CNTN5: variants seen among roughly 807,000 people sequenced by gnomAD.
The protein encoded by CNTN5 is contactin 5.
Under a neutral mutation model 129.1 loss-of-function variants are expected in CNTN5, and 77 were observed. The ratio of observed to expected loss-of-function variants is 0.60; its 90% CI spans 0.50 to 0.72. The LOEUF is 0.72. CNTN5 is among the 30% of genes least tolerant of loss of function. The pLI is 0.00. For missense variants in CNTN5, 1,478 were observed against 1,328.8 expected (o/e 1.11, Z -1.75); for synonymous variants, 509 against 465.6 (o/e 1.09, Z -1.20).
chr11:100,069,667 T>G (rs1420326883), intron 10 of CNTN5, among the ~76,000 whole-genome samples: 5 of 152,190 alleles, frequency 3.3e-5, no homozygotes, highest in Non-Finnish European at 1.5e-5. Flanking sequence ...ATATAAATAT[T>G]TTACAGTTTT....
rs77081243 is a variant in CNTN5, at chr11:99,911,457, G to A, written c.578-4597G>A. ...GTCCAGGAGACAAATCAACCACAGC[G>A]TTTTACTTCTAATTGTATAGCTTTT... On this transcript the variant is annotated intron_variant, in intron 6 of 24. Transcript: ENST00000524871. Among the ~76,000 whole-genome samples the A allele has an allele frequency of 3.9e-4, 60 of 151,912 alleles. No individual in the cohort carries two copies. The East Asian group carries it at 9.1e-3, about 23-fold the overall frequency.
chr11:100,340,516 T>G lies in CNTN5; in HGVS notation c.2784T>G (p.Thr928=). 1 of 1,613,136 alleles carries G rather than the reference T, an allele frequency of 6.2e-7. No individual in the cohort carries two copies. Among genetic ancestry groups the G allele is most frequent in the Non-Finnish European group, 8.5e-7 (1 of 1,179,482 alleles). ...EQEDTAETVK[T]RGNESFVILT... ...AAGATACAGCAGAAACAGTCAAAAC[T>G]AGAGGGAATGAGTCTTTCGTCATCC... Residue 928 remains threonine, a synonymous_variant, in exon 22 of 25, where the codon ACT becomes ACG. Coordinates refer to ENST00000524871, the MANE Select transcript of CNTN5 (RefSeq NM_014361.4).
chr11:99,910,514 A>G (rs893957837), intron 6 of CNTN5, among the ~76,000 whole-genome samples: 1 of 152,096 alleles, frequency 6.6e-6, no homozygotes, highest in Non-Finnish European at 1.5e-5. Context: ...ATTGAAGATT[A>G]TTTTAAAATT....
chr11:99,087,237 A>G (rs1225360162), intron 1 of CNTN5, among the ~76,000 whole-genome samples: 3 of 152,210 alleles, frequency 2.0e-5, no homozygotes, highest in Admixed American at 2.0e-4. Flanking sequence ...AACAGAGAGG[A>G]TACCTGAGTT....
intron 8 of CNTN5, among the ~76,000 whole-genome samples, chr11:99,977,964 G>A (rs1423249109): frequency 1.3e-5 from 2 of 152,140 alleles, no homozygotes; most frequent in African/African-American, 4.8e-5. Context: ...CTGTATTTTG[G>A]TTGAATTACA....
chr11:99,688,496 T>A (rs991373848), intron 3 of CNTN5, among the ~76,000 whole-genome samples: 7 of 152,188 alleles, frequency 4.6e-5, no homozygotes, highest in Admixed American at 4.6e-4. Flanking sequence ...AATCCTCCTT[T>A]CAAGGAGTTT....
At chr11:99,790,833 A>T (rs1467388762) in intron 3 of CNTN5, among the ~76,000 whole-genome samples, 2 of 151,884 alleles carry the variant, frequency 1.3e-5, no homozygotes, top group African/African-American at 4.8e-5. Context: ...CCAGCATGTT[A>T]TTTTTTTGAC....
rs143652299 is a variant in CNTN5, at chr11:99,424,385, C to T, written c.-71+98901C>T. On this transcript the variant is annotated intron_variant, in intron 2 of 24. Transcript: ENST00000524871. ...TGGAAACCTCTGTGGCTGGTGGCAC[C>T]CAGCATGCTGCACTCAGCTCATGCT... 6.4e-3 allele frequency among the ~76,000 whole-genome samples: 982 copies of T among 152,300 alleles called. 8 individuals carry two copies. The highest frequency in any genetic ancestry group is 0.011 in the Non-Finnish European group (768 of 68,030).
intron 6 of CNTN5, among the ~76,000 whole-genome samples, chr11:99,913,059 A>AT (rs1321963500): frequency 6.6e-6 from 1 of 151,984 alleles, no homozygotes; most frequent in Non-Finnish European, 1.5e-5. Flanking sequence ...TCTTTTTTCC[A>AT]TTTATCTTCT....
At chr11:100,310,631 T>TA (rs762945105) in intron 21 of CNTN5, among the ~76,000 whole-genome samples, 6 of 151,710 alleles carry the variant, frequency 4.0e-5, no homozygotes, top group South Asian at 2.1e-4. Context: ...CATGATTTTT[T>TA]AAAAAAAATA....
chr11:100,037,953 G>A (rs1942127006), intron 9 of CNTN5, among the ~76,000 whole-genome samples: 1 of 151,944 alleles, frequency 6.6e-6, no homozygotes, highest in Admixed American at 6.6e-5. Flanking sequence ...AAGGGTTTTT[G>A]TGTCTCTATT....
intron 13 of CNTN5, among the ~76,000 whole-genome samples, chr11:100,126,468 G>A (rs1280863006): frequency 6.6e-6 from 1 of 152,018 alleles, no homozygotes; most frequent in African/African-American, 2.4e-5. Context: ...GGGTGCTCAG[G>A]TTCATATATA....
At chr11:99,582,488 C>T (rs1281929376) in intron 3 of CNTN5, among the ~76,000 whole-genome samples, 1 of 152,202 alleles carries the variant, frequency 6.6e-6, no homozygotes, top group South Asian at 2.1e-4. Context: ...TTTGTCTTTT[C>T]ACATAGTGCC....
intron 1 of CNTN5, among the ~76,000 whole-genome samples, chr11:99,137,871 A>G (rs1859313095): frequency 1.3e-5 from 2 of 152,204 alleles, no homozygotes; most frequent in African/African-American, 4.8e-5. Context: ...CTGCAAGTTT[A>G]ACATTAACAT....
intron 1 of CNTN5, among the ~76,000 whole-genome samples, chr11:99,103,968 C>G (rs10790460): frequency 0.48 from 72,687 of 151,904 alleles, 17,601 homozygotes; most frequent in East Asian, 0.61. Flanking sequence ...TCTTCTGGCC[C>G]CTAGAGCTAT....
At chr11:99,073,374 G>A (rs11218298) in intron 1 of CNTN5, among the ~76,000 whole-genome samples, 1 of 61,198 alleles carries the variant, frequency 1.6e-5, no homozygotes. Flanking sequence ...TTATGGTTTG[G>A]TTTTTTTTTT....
chr11:100,110,440 A>C (rs559143638), intron 13 of CNTN5, among the ~76,000 whole-genome samples: 2 of 151,748 alleles, frequency 1.3e-5, no homozygotes, highest in Non-Finnish European at 2.9e-5. Flanking sequence ...TTTTTTTCTG[A>C]TACATGGTTA....
chr11:100,039,470 T>C (rs907721284), intron 9 of CNTN5, among the ~76,000 whole-genome samples: 1 of 152,058 alleles, frequency 6.6e-6, no homozygotes, highest in Non-Finnish European at 1.5e-5. Flanking sequence ...TCTCGAGGAG[T>C]ATCTTTATGG....
rs144801280 is a variant in CNTN5 at position 99,689,032 on chromosome 11, G to A, written c.56-130512G>A. ...TTGATGGGCATTTAGGTTATTTCAC[G>A]TCTTTTCTATTGTGAATAGTGCTCT... On this transcript the variant is annotated intron_variant, in intron 3 of 24. Transcript: ENST00000524871. Among the ~76,000 whole-genome samples, 307 of 151,958 alleles carry A rather than the reference G, an allele frequency of 2.0e-3. 1 individual carries two copies. The highest frequency in any genetic ancestry group is 6.6e-3 in the African/African-American group (273 of 41,422).
Sources: allele counts gnomAD v4.1 joint callset (sites outside exome capture counted in the v4.1 genomes callset), GRCh38; gene constraint gnomAD v4.1.1; transcripts MANE v1.5; gene names NCBI Gene and HGNC (gene_info 2026-07-23, HGNC 2026-07-21).